RSPH1: variants seen among roughly 807,000 people sequenced by gnomAD.
RSPH1 encodes the protein radial spoke head 1 homolog.
Under a neutral mutation model 44.2 loss-of-function variants are expected in RSPH1, and 32 were observed. The ratio of observed to expected loss-of-function variants is 0.72; its 90% CI spans 0.55 to 0.97. The LOEUF is 0.97. Ranked by LOEUF, RSPH1 falls within the 50% of genes least tolerant of loss-of-function variation. The probability of loss-of-function intolerance (pLI) is 0.00; values close to 1 mark genes in which losing one functional copy is unlikely to be tolerated. For synonymous variants in RSPH1, 134 were observed against 147.3 expected (o/e 0.91, Z 0.65); for missense variants, 391 against 398.7 (o/e 0.98, Z 0.16).
At chr21:42,487,968 A>C (rs537035451) in intron 3 of RSPH1, among the ~76,000 whole-genome samples, 1 of 152,366 alleles carries the variant, frequency 6.6e-6, no homozygotes, top group South Asian at 2.1e-4. Context: ...CACCAGCCTG[A>C]GGATGGAAGG....
At chr21:42,486,806 T>G (rs2054185495) in intron 3 of RSPH1, among the ~76,000 whole-genome samples, 1 of 152,128 alleles carries the variant, frequency 6.6e-6, no homozygotes, top group East Asian at 1.9e-4. Context: ...GCCACCTGCA[T>G]GTACTGACAA....
At chr21:42,483,341 A>T (rs970184078) in intron 5 of RSPH1, among the ~76,000 whole-genome samples, 3 of 152,102 alleles carry the variant, frequency 2.0e-5, no homozygotes, top group Non-Finnish European at 2.9e-5. Flanking sequence ...TTTCTGGACA[A>T]AAGCATACAT....
intron 4 of RSPH1, 144 bp from the exon 5 acceptor site, chr21:42,485,948 G>C: frequency 9.7e-7 from 1 of 1,035,028 alleles, no homozygotes; most frequent in Non-Finnish European, 1.4e-6. Flanking sequence ...TGTCCAGTCA[G>C]AAGGTGCCCC....
intron 6 of RSPH1, among the ~76,000 whole-genome samples, chr21:42,481,643 C>A (rs2054128769): frequency 6.6e-6 from 1 of 152,226 alleles, no homozygotes; most frequent in African/African-American, 2.4e-5. Flanking sequence ...AAACTCAAAA[C>A]TTCTTACAGT....
chr21:42,472,990 G>GTCAAAAAT, intron 8 of RSPH1, 120 bp from the exon 9 acceptor site: 3 of 651,540 alleles, frequency 4.6e-6, no homozygotes, highest in Non-Finnish European at 7.7e-6. Flanking sequence ...GCATTCATCA[G>GTCAAAAAT]TCAAAAATTG....
At chr21:42,490,128 T>C (rs1412497028) in intron 3 of RSPH1, among the ~76,000 whole-genome samples, 4 of 125,094 alleles carry the variant, frequency 3.2e-5, no homozygotes, top group African/African-American at 6.1e-5. Context: ...CTCCCCTCCA[T>C]CTCATCCCCC....
intron 3 of RSPH1, among the ~76,000 whole-genome samples, chr21:42,488,806 C>T (rs947101954): frequency 1.3e-5 from 2 of 152,202 alleles, no homozygotes; most frequent in African/African-American, 4.8e-5. Context: ...TCTCTAACAG[C>T]TATAAGTCAA....
chr21:42,482,015 G>C (rs965182059), intron 6 of RSPH1, among the ~76,000 whole-genome samples: 1 of 152,186 alleles, frequency 6.6e-6, no homozygotes, highest in Non-Finnish European at 1.5e-5. Context: ...TACAGATTCA[G>C]TTTTCACTTG....
chr21:42,491,498 A>G (rs1419014458), intron 3 of RSPH1, among the ~76,000 whole-genome samples: 1 of 152,216 alleles, frequency 6.6e-6, no homozygotes, highest in Non-Finnish European at 1.5e-5. Context: ...TCTACACTAA[A>G]ATCAAAAGTG....
rs1368842734 is a variant in RSPH1 at position 42,474,282 on chromosome 21, C to G, written c.878-1412G>C. On this transcript the variant is annotated intron_variant, in intron 8 of 8. Coordinates refer to ENST00000291536, the MANE Select transcript of RSPH1 (RefSeq NM_080860.4). This position sits in a 1 kb window ranked among gnomAD's most constrained non-coding sequence, Gnocchi z 5.2. ...CACTCTTCTGCTGTCAGACTCTGCT[C>G]TCTGCCTGGAATTTCCTTCCTGGTT... Among the ~76,000 whole-genome samples, 1 of 152,226 alleles carries G rather than the reference C, an allele frequency of 6.6e-6. No homozygotes were observed. The highest frequency in any genetic ancestry group is 1.5e-5 in the Non-Finnish European group (1 of 68,038).
Position 42,472,797 on chromosome 21 carries a change from C to A in RSPH1, c.*21G>T. On this transcript the variant is annotated 3_prime_UTR_variant, in exon 9 of 9. Transcript: ENST00000291536. ...GACAGAAGCATTCTTATGATACGAT[C>A]TCCTCTCGGCTCACTTCATCTTAGT... is the stretch of plus-strand genomic sequence containing the variant. 6.3e-7 allele frequency: 1 copy of A among 1,586,042 alleles called. No homozygotes were observed.
intron 8 of RSPH1, among the ~76,000 whole-genome samples, chr21:42,475,226 C>T (rs574286717): frequency 1.2e-4 from 18 of 152,228 alleles, no homozygotes; most frequent in Admixed American, 3.9e-4. Context: ...AATCTTACAT[C>T]CAAACCCATT....
intron 5 of RSPH1, among the ~76,000 whole-genome samples, chr21:42,483,387 C>A (rs2054149257): frequency 6.6e-6 from 1 of 152,066 alleles, no homozygotes; most frequent in Non-Finnish European, 1.5e-5. Flanking sequence ...TCGTTTCATT[C>A]CCATAACTGC....
At chr21:42,473,178 A>C (rs1341723133) in intron 8 of RSPH1, among the ~76,000 whole-genome samples, 1 of 152,214 alleles carries the variant, frequency 6.6e-6, no homozygotes, top group Non-Finnish European at 1.5e-5. Context: ...AAAACATGTA[A>C]TTGCTTGGCT....
intron 3 of RSPH1, among the ~76,000 whole-genome samples, chr21:42,487,976 A>T (rs2054196783): frequency 6.6e-6 from 1 of 152,226 alleles, no homozygotes; most frequent in Non-Finnish European, 1.5e-5. Context: ...TGAGGATGGA[A>T]GGTTGGCACC....
In RSPH1 at chr21:42,493,050, G is replaced by A. The variant is rs769799375; in HGVS notation, c.84C>T (p.Gly28=). The change falls in exon 2 of 9, where the codon GGC becomes GGT. Residue 28 remains glycine (G), a synonymous_variant. Coordinates refer to ENST00000291536, the MANE Select transcript of RSPH1 (RefSeq NM_080860.4). ...GTGCCCTCCCACGTCCGTGCCTTTCGCCTGCCTCATTCCGACCCCCCTCAT... is the reference window on the plus strand; with the variant it reads ...GTGCCCTCCCACGTCCGTGCCTTTCACCTGCCTCATTCCGACCCCCCTCAT... ...GEYEGGRNEA[G]ERHGRGRARL... The A allele has an allele frequency of 1.9e-5, 30 of 1,614,010 alleles. No homozygotes were observed. The highest frequency in any genetic ancestry group is 4.4e-5 in the South Asian group (4 of 91,080).
At chr21:42,490,413 T>C (rs1291458236) in intron 3 of RSPH1, among the ~76,000 whole-genome samples, 1 of 152,206 alleles carries the variant, frequency 6.6e-6, no homozygotes, top group Non-Finnish European at 1.5e-5. Flanking sequence ...ATACATTAAC[T>C]GAGATTTTGT....
intron 5 of RSPH1, among the ~76,000 whole-genome samples, chr21:42,483,531 AT>A (rs960007989): frequency 2.6e-5 from 4 of 151,866 alleles, no homozygotes; most frequent in African/African-American, 9.7e-5. Flanking sequence ...GTAAGCCTGC[AT>A]TTTTTTCAAG....
chr21:42,491,360 C>T (rs2054234337), intron 3 of RSPH1, among the ~76,000 whole-genome samples: 1 of 152,186 alleles, frequency 6.6e-6, no homozygotes, highest in African/African-American at 2.4e-5. Flanking sequence ...AAGTACATAG[C>T]ATGGAAAATC....
Sources: gnomAD v4.1 joint callset for allele counts (sites outside exome capture counted in the v4.1 genomes callset) on GRCh38, gnomAD v4.1.1 for gene constraint, Gnocchi (gnomAD v3.1) non-coding constraint, MANE v1.5 for transcripts, NCBI Gene and HGNC (gene_info 2026-07-23, HGNC 2026-07-21) for gene names.